The following DAB1 variants were observed in gnomAD, a reference collection of about 807,000 sequenced individuals.
DAB1 encodes the protein DAB adaptor protein 1, also known as disabled homolog 1.
In DAB1, 15 loss-of-function variants were observed where a neutral mutation model predicts 64.6. The ratio of observed to expected loss-of-function variants is 0.23; its 90% CI spans 0.16 to 0.36. The LOEUF is 0.36. DAB1 is among the 10% of genes least tolerant of loss of function. DAB1 has a pLI of 1.00. For synonymous variants in DAB1, 235 were observed against 251.9 expected (o/e 0.93, Z 0.64); for missense variants, 596 against 706.7 (o/e 0.84, Z 1.78).
chr1:58,319,170 G>C (rs897448424), intron 4 of DAB1, among the ~76,000 whole-genome samples: 2 of 152,112 alleles, frequency 1.3e-5, no homozygotes, highest in Non-Finnish European at 2.9e-5. Flanking sequence ...GGCACACTTT[G>C]CTTAGATGTC....
At chr1:58,357,071 T>C (rs908792620) in intron 3 of DAB1, among the ~76,000 whole-genome samples, 1 of 151,638 alleles carries the variant, frequency 6.6e-6, no homozygotes, top group African/African-American at 2.4e-5. Context: ...TTTATTATAT[T>C]CTAGATGAAA....
chr1:58,118,495 TATATATATAC>T (rs1324776030), intron 5 of DAB1, among the ~76,000 whole-genome samples: 7 of 84,422 alleles, frequency 8.3e-5, no homozygotes, highest in African/African-American at 3.8e-4. Context: ...TATATATATA[TATATATATAC>T]ACACACACAC....
At chr1:57,710,641 G>GT (rs200796267) in intron 6 of DAB1, among the ~76,000 whole-genome samples, 20 of 151,104 alleles carry the variant, frequency 1.3e-4, no homozygotes, top group Non-Finnish European at 2.1e-4. Flanking sequence ...TTAATTTGCT[G>GT]TTTTTTTTGG....
At chr1:58,213,118 G>A (rs181213353) in intron 4 of DAB1, among the ~76,000 whole-genome samples, 7 of 152,294 alleles carry the variant, frequency 4.6e-5, no homozygotes, top group East Asian at 1.9e-4. Flanking sequence ...ACAGTAATCC[G>A]AAAAGGTCAA....
At chr1:57,967,405 G>A (rs528837367) in intron 5 of DAB1, among the ~76,000 whole-genome samples, 71 of 152,308 alleles carry the variant, frequency 4.7e-4, no homozygotes, top group Middle Eastern at 3.4e-3. Flanking sequence ...TCAAGGCTGT[G>A]ATGAACATCA....
chr1:58,273,983 A>G (rs973364084), intron 4 of DAB1, among the ~76,000 whole-genome samples: 2 of 104,802 alleles, frequency 1.9e-5, no homozygotes, highest in East Asian at 3.3e-4. Flanking sequence ...GAGTAATTTG[A>G]TCGTCTGAAG....
rs151203783 is a variant in DAB1 at position 57,313,698 on chromosome 1, C to T, written c.-136-22532G>A. Reference sequence around the variant, plus strand: ...GTCAGTGGTTGTTAACATTATATTACGTTTATTATTCAGAAAATGTAATTT... The same window carrying T: ...GTCAGTGGTTGTTAACATTATATTATGTTTATTATTCAGAAAATGTAATTT... On this transcript the variant is annotated intron_variant, in intron 1 of 14. Transcript: ENST00000371236. Among the ~76,000 whole-genome samples the T allele has an allele frequency of 4.5e-3, 687 of 152,320 alleles. 9 individuals carry two copies. Among genetic ancestry groups the T allele is most frequent in the African/African-American group, 0.016 (657 of 41,572 alleles).
rs138113102 is a variant in DAB1 at position 57,414,464 on chromosome 1, T to C, written c.-137+9466A>G. On this transcript the variant is annotated intron_variant, in intron 1 of 14. Transcript: ENST00000371236. ...GTACATTGATTTTTTTACATAATGC[T>C]ATTGCACCCTTAACAGACTACAGTA... Among the ~76,000 whole-genome samples, 269 of 152,354 alleles carry C rather than the reference T, an allele frequency of 1.8e-3. 2 individuals are homozygous for C. Among genetic ancestry groups the C allele is most frequent in the Admixed American group, 0.012 (187 of 15,308 alleles).
chr1:57,009,170 A>G (rs780391542), intron 14 of DAB1, among the ~76,000 whole-genome samples: 9 of 152,202 alleles, frequency 5.9e-5, no homozygotes, highest in African/African-American at 9.6e-5. Flanking sequence ...TAGTTTATTC[A>G]CCAAATTTTT....
At chr1:57,574,213 CT>C (rs891278086) in intron 7 of DAB1, among the ~76,000 whole-genome samples, 3 of 152,104 alleles carry the variant, frequency 2.0e-5, no homozygotes, top group African/African-American at 7.2e-5. Context: ...AGTCGTAGTC[CT>C]TTTGTTTCAC....
chr1:57,728,803 C>T (rs867357973), intron 6 of DAB1, among the ~76,000 whole-genome samples: 2 of 152,210 alleles, frequency 1.3e-5, no homozygotes, highest in East Asian at 3.9e-4. Flanking sequence ...ACACCTTTCT[C>T]ATCTTCATAC....
At chr1:57,322,458 A>G (rs892925930) in intron 1 of DAB1, among the ~76,000 whole-genome samples, 4 of 152,130 alleles carry the variant, frequency 2.6e-5, no homozygotes, top group East Asian at 3.9e-4. Flanking sequence ...TTCCCATGAA[A>G]TCTGGGCACC....
chr1:58,213,153 AT>A (rs1301279827), intron 4 of DAB1, among the ~76,000 whole-genome samples: 7 of 152,200 alleles, frequency 4.6e-5, no homozygotes, highest in Non-Finnish European at 4.4e-5. Flanking sequence ...CAAAGGTCAA[AT>A]TTGGTATAAG....
chr1:58,288,077 A>T (rs2100447043), intron 4 of DAB1, among the ~76,000 whole-genome samples: 1 of 151,314 alleles, frequency 6.6e-6, no homozygotes, highest in African/African-American at 2.4e-5. Context: ...GTTTGCTTCC[A>T]TGTTTAACAT....
intron 6 of DAB1, among the ~76,000 whole-genome samples, chr1:57,792,430 C>G (rs993176104): frequency 5.9e-5 from 9 of 152,184 alleles, no homozygotes; most frequent in African/African-American, 1.7e-4. Context: ...CTTCACAGCT[C>G]TTTTTCCACT....
At chr1:57,671,855 T>C (rs1206973788) in intron 6 of DAB1, among the ~76,000 whole-genome samples, 1 of 152,134 alleles carries the variant, frequency 6.6e-6, no homozygotes, top group African/African-American at 2.4e-5. Context: ...ATGCCTCTAC[T>C]GTATCACTTT....
rs963689588 is a variant in DAB1, at chr1:58,177,661, C to A, written n.310-27073G>T. 5.3e-5 allele frequency among the ~76,000 whole-genome samples: 8 copies of A among 151,808 alleles called. No homozygotes were observed. The South Asian group carries it at 1.7e-3, about 32-fold the overall frequency. ...CCTAGCCACCCTACTTACTCTCTTT[C>A]TTTTAAGCCCCACAACAACTCTGCA... On this transcript the variant is annotated intron_variant and non_coding_transcript_variant, in intron 4 of 20. Transcript: ENST00000485760.
chr1:58,543,155 C>T (rs1211796083), intron 1 of DAB1, among the ~76,000 whole-genome samples: 14 of 152,160 alleles, frequency 9.2e-5, no homozygotes, highest in Admixed American at 9.2e-4. Context: ...TGAGCTTTTA[C>T]TTTATCCCCA....
In DAB1 at chr1:58,537,567, A is replaced by C. The variant is rs577360126; in HGVS notation, n.32+9136T>G. On this transcript the variant is annotated intron_variant and non_coding_transcript_variant, in intron 1 of 20. Coordinates refer to the DAB1 transcript ENST00000485760. ...TCTCTGCCACTTAGCAGTGTTCAGA[A>C]ACATTTTGACAACAAGCAATGTTTT... Among the ~76,000 whole-genome samples the C allele has an allele frequency of 7.9e-5, 12 of 152,342 alleles. No homozygotes were observed. The East Asian group carries it at 2.3e-3, about 29-fold the overall frequency.
Sources: gnomAD v4.1 joint callset for allele counts (sites outside exome capture counted in the v4.1 genomes callset) on GRCh38, gnomAD v4.1.1 for gene constraint, MANE v1.5 for transcripts, NCBI Gene and HGNC (gene_info 2026-07-23, HGNC 2026-07-21) for gene names.